GPC6: variants seen among roughly 807,000 people sequenced by gnomAD.
GPC6 encodes the protein glypican 6.
GPC6 carries 14 observed loss-of-function variants against 55.2 expected under a neutral mutation model. The ratio of observed to expected loss-of-function variants is 0.25; its 90% CI spans 0.17 to 0.40. GPC6 has a LOEUF of 0.40. GPC6 is among the 10% of genes least tolerant of loss of function. GPC6 has a pLI of 1.00. For synonymous variants in GPC6, 278 were observed against 259.6 expected, an observed-to-expected ratio of 1.07 and a Z score of -0.68; for missense variants, 641 against 708.5, an observed-to-expected ratio of 0.90 and a Z score of 1.08.
chr13:93,580,045 C>A (rs1876861724), intron 2 of GPC6, among the ~76,000 whole-genome samples: 1 of 152,194 alleles, frequency 6.6e-6, no homozygotes, highest in Non-Finnish European at 1.5e-5. Flanking sequence ...GCTGCTATAA[C>A]AAAGTACCAT....
intron 1 of GPC6, among the ~76,000 whole-genome samples, chr13:93,331,280 T>G (rs1450821591): frequency 6.6e-6 from 1 of 152,200 alleles, no homozygotes; most frequent in Non-Finnish European, 1.5e-5. Flanking sequence ...TTTCTGTCCT[T>G]CGAAAGGAAT....
intron 2 of GPC6, among the ~76,000 whole-genome samples, chr13:93,744,547 TTTTTTTTACAGTTG>T: frequency 7.0e-6 from 1 of 142,948 alleles, no homozygotes. Flanking sequence ...TTTTTTTTTT[TTTTTTTTACAGTTG>T]ATCAATTCCT....
At chr13:94,339,780 T>TTTTTTTTG (rs1877931990) in intron 6 of GPC6, among the ~76,000 whole-genome samples, 1 of 125,704 alleles carries the variant, frequency 8.0e-6, no homozygotes, top group African/African-American at 2.8e-5. Flanking sequence ...TTTTTTTTTT[T>TTTTTTTTG]GAGACAGAGT....
At chr13:94,023,013 A>C (rs1882760280) in intron 3 of GPC6, among the ~76,000 whole-genome samples, 1 of 152,120 alleles carries the variant, frequency 6.6e-6, no homozygotes, top group African/African-American at 2.4e-5. Context: ...TACTATGACT[A>C]TCTGGAAAGT....
At chr13:94,015,024 T>C (rs187778259) in intron 3 of GPC6, among the ~76,000 whole-genome samples, 183 of 152,360 alleles carry the variant, frequency 1.2e-3, no homozygotes, top group South Asian at 7.7e-3. Context: ...GGGTGATGTA[T>C]ATTTTCATTT....
intron 3 of GPC6, among the ~76,000 whole-genome samples, chr13:93,933,907 C>G (rs1245642174): frequency 4.4e-4 from 67 of 152,160 alleles, no homozygotes; most frequent in Non-Finnish European, 1.3e-4. Context: ...AGTCTGTCTT[C>G]TTTCATAAAA....
intron 2 of GPC6, among the ~76,000 whole-genome samples, chr13:93,630,701 C>G (rs764397459): frequency 4.6e-5 from 7 of 152,060 alleles, no homozygotes; most frequent in Non-Finnish European, 8.8e-5. Context: ...ATAGCAGCAA[C>G]TAAAATAAAT....
At chr13:93,451,459 G>A (rs1878220479) in intron 1 of GPC6, among the ~76,000 whole-genome samples, 1 of 152,162 alleles carries the variant, frequency 6.6e-6, no homozygotes, top group East Asian at 1.9e-4. Context: ...AAATGGTTGG[G>A]GGAGGGGAAT....
chr13:93,721,877 C>T (rs1410010620), intron 2 of GPC6, among the ~76,000 whole-genome samples: 2 of 151,476 alleles, frequency 1.3e-5, no homozygotes, highest in Non-Finnish European at 3.0e-5. Context: ...TTTGTGGCCA[C>T]ATAGTCAAAA....
chr13:93,848,466 C>A (rs946204568), intron 3 of GPC6, among the ~76,000 whole-genome samples: 1 of 152,060 alleles, frequency 6.6e-6, no homozygotes, highest in Non-Finnish European at 1.5e-5. Flanking sequence ...TTAAGGCAAC[C>A]CTCCCAGTCA....
At chr13:94,222,290 A>G (rs543243710) in intron 4 of GPC6, among the ~76,000 whole-genome samples, 2 of 152,214 alleles carry the variant, frequency 1.3e-5, no homozygotes, top group East Asian at 3.9e-4. Flanking sequence ...TTATAATACA[A>G]ATCTAGATCT....
chr13:93,555,280 A>G (rs1199967405), intron 2 of GPC6, among the ~76,000 whole-genome samples: 2 of 152,170 alleles, frequency 1.3e-5, no homozygotes, highest in Non-Finnish European at 2.9e-5. Flanking sequence ...TCTAAAAACT[A>G]TGATCCATTG....
At chr13:93,536,463 C>T (rs917606117) in intron 1 of GPC6, among the ~76,000 whole-genome samples, 1 of 152,254 alleles carries the variant, frequency 6.6e-6, no homozygotes, top group East Asian at 1.9e-4. Context: ...CTACTTCGGG[C>T]ACCTCATATA....
chr13:93,732,003 T>C (rs1233784905), intron 2 of GPC6, among the ~76,000 whole-genome samples: 1 of 152,198 alleles, frequency 6.6e-6, no homozygotes, highest in Non-Finnish European at 1.5e-5. Context: ...GACTGATAAA[T>C]GCAAAAATGA....
At chr13:93,418,466 A>G (rs1267973512) in intron 1 of GPC6, among the ~76,000 whole-genome samples, 10 of 145,786 alleles carry the variant, frequency 6.9e-5, no homozygotes, top group African/African-American at 2.8e-4. Flanking sequence ...CTGTAGTATT[A>G]CTTTATTAAT....
chr13:94,291,041 A>T (rs1246956098), intron 5 of GPC6, among the ~76,000 whole-genome samples: 1 of 152,124 alleles, frequency 6.6e-6, no homozygotes, highest in Non-Finnish European at 1.5e-5. Flanking sequence ...AAACTACAAA[A>T]ATTAGCTAAG....
At chr13:93,311,349 T>C (rs1264404974) in intron 1 of GPC6, among the ~76,000 whole-genome samples, 2 of 152,314 alleles carry the variant, frequency 1.3e-5, no homozygotes, top group East Asian at 3.9e-4. Context: ...TTGAGCTATT[T>C]GAATATAGCT....
rs186195758 is a variant in GPC6 at position 94,213,017 on chromosome 13, G to A, written c.878-73332G>A. 8.5e-5 allele frequency among the ~76,000 whole-genome samples: 13 copies of A among 152,238 alleles called. No individual in the cohort carries two copies. In the East Asian group the frequency reaches 1.4e-3, roughly 16 times the overall value. On this transcript the variant is annotated intron_variant, in intron 4 of 8. Transcript: ENST00000377047. ...CTAAAAATACAAAAATTAGCCGAGCGTGATGGCGGGTGCCTGTAATCCCAG... is the reference window on the plus strand; with the variant it reads ...CTAAAAATACAAAAATTAGCCGAGCATGATGGCGGGTGCCTGTAATCCCAG...
chr13:94,308,793 G>A (rs988591684), intron 6 of GPC6, among the ~76,000 whole-genome samples: 3 of 152,172 alleles, frequency 2.0e-5, no homozygotes, highest in African/African-American at 7.2e-5. Context: ...CGCATCAAAC[G>A]GAGCTATACC....
Sources: gnomAD v4.1 joint callset for allele counts (sites outside exome capture counted in the v4.1 genomes callset) on GRCh38, gnomAD v4.1.1 for gene constraint, MANE v1.5 for transcripts, NCBI Gene and HGNC (gene_info 2026-07-23, HGNC 2026-07-21) for gene names.